The following MAP3K7CL variants were observed in gnomAD, a reference collection of about 807,000 sequenced individuals.
The protein encoded by MAP3K7CL is MAP3K7 C-terminal like.
In MAP3K7CL, 16 loss-of-function variants were observed where a neutral mutation model predicts 18.6. The ratio of observed to expected loss-of-function variants is 0.86; its 90% CI spans 0.58 to 1.31. The LOEUF is 1.31. Among genes scored for constraint, MAP3K7CL ranks in the 50% most tolerant of loss-of-function variants. The pLI, the probability that MAP3K7CL is intolerant of heterozygous loss-of-function variation, is 0.00. For synonymous variants in MAP3K7CL, 65 were observed against 66.8 expected, an observed-to-expected ratio of 0.97 and a Z score of 0.13; for missense variants, 163 against 174.4, an observed-to-expected ratio of 0.93 and a Z score of 0.37.
At chr21:29,139,623 C>T (rs937011778) in intron 2 of MAP3K7CL, among the ~76,000 whole-genome samples, 2 of 152,148 alleles carry the variant, frequency 1.3e-5, no homozygotes, top group African/African-American at 4.8e-5. Flanking sequence ...CTCACTCTGT[C>T]ACCCAGGCTG....
intron 4 of MAP3K7CL, among the ~76,000 whole-genome samples, chr21:29,099,978 G>A (rs967895693): frequency 5.3e-5 from 8 of 151,880 alleles, no homozygotes; most frequent in African/African-American, 1.2e-4. Context: ...AGCTACTCGG[G>A]AGGCTGAGGC....
At chr21:29,139,728 G>T (rs2086962888) in intron 2 of MAP3K7CL, among the ~76,000 whole-genome samples, 1 of 151,910 alleles carries the variant, frequency 6.6e-6, no homozygotes, top group Admixed American at 6.6e-5. Flanking sequence ...GGGATTATAG[G>T]CATGCGCCAC....
chr21:29,091,564 C>T lies in MAP3K7CL; in HGVS notation c.121C>T (p.Leu41Phe), dbSNP rs940553472. 3 of 701,544 alleles carry T rather than the reference C, an allele frequency of 4.3e-6. No homozygotes were observed. In the Admixed American group the frequency reaches 6.0e-5, roughly 14 times the overall value. 43.5% of individuals were successfully genotyped at this position (701,544 alleles called of 1,614,324 possible). A position where few individuals can be genotyped will look rare whatever the true frequency, so the allele number is the denominator to read the frequency against. ...AATCATGGCTCACTACAGCCCTGAC[C>T]TCCTGGGCCCAGGTAATTGTCCCAC... The change falls in exon 2 of 7, where the codon CTC becomes TTC. Residue 41 changes from leucine to phenylalanine, a missense_variant. Physicochemically the swap from Leu to Phe is conservative, Grantham distance 22. Coordinates refer to the MAP3K7CL transcript ENST00000286791.
At chr21:29,113,687 C>T (rs1209727778) in intron 4 of MAP3K7CL, among the ~76,000 whole-genome samples, 1 of 152,184 alleles carries the variant, frequency 6.6e-6, no homozygotes, top group Non-Finnish European at 1.5e-5. Context: ...CCATGCCCAG[C>T]TAATTTTTGT....
intron 4 of MAP3K7CL, among the ~76,000 whole-genome samples, chr21:29,112,285 A>G (rs1300341287): frequency 2.6e-5 from 4 of 152,212 alleles, no homozygotes; most frequent in African/African-American, 9.6e-5. Context: ...CGACAGAGCA[A>G]GACTCTGTCT....
rs1468187756 is a variant in MAP3K7CL at position 29,123,060 on chromosome 21, T to A, written c.371-26129T>A. On this transcript the variant is annotated intron_variant, in intron 4 of 6. Transcript: ENST00000286791. ...AATACTGGAGAAGAAATGATCTTTT[T>A]TTTTTTTTTTTTTTTTTTTGAAATG... 4.0e-3 allele frequency among the ~76,000 whole-genome samples: 404 copies of A among 101,560 alleles called. 3 individuals carry two copies. Among genetic ancestry groups the A allele is most frequent in the Non-Finnish European group, 7.3e-3 (310 of 42,460 alleles). 66.6% of individuals were successfully genotyped at this position (101,560 alleles called of 152,430 possible).
chr21:29,114,817 C>G (rs2086478616), intron 4 of MAP3K7CL, among the ~76,000 whole-genome samples: 1 of 152,170 alleles, frequency 6.6e-6, no homozygotes. Flanking sequence ...TGTCTACATT[C>G]CATCCCCTTG....
intron 4 of MAP3K7CL, among the ~76,000 whole-genome samples, chr21:29,095,695 A>C (rs913834440): frequency 3.3e-5 from 5 of 152,250 alleles, no homozygotes; most frequent in Non-Finnish European, 7.3e-5. Context: ...TGAGAACTGT[A>C]CATGGTAATA....
At chr21:29,131,169 C>G (rs955920036) in intron 1 of MAP3K7CL, 4 of 152,518 alleles carry the variant, frequency 2.6e-5, no homozygotes, top group Admixed American at 6.5e-5. Context: ...GGGAGGGACT[C>G]TAATTAGCTG....
At chr21:29,132,923 A>G (rs748504584) in intron 1 of MAP3K7CL, among the ~76,000 whole-genome samples, 66 of 152,214 alleles carry the variant, frequency 4.3e-4, no homozygotes, top group Non-Finnish European at 6.3e-4. Flanking sequence ...ATCTGAAGCC[A>G]TCTGATACCT....
At chr21:29,134,651 C>A (rs1212369651) in intron 2 of MAP3K7CL, among the ~76,000 whole-genome samples, 5 of 152,196 alleles carry the variant, frequency 3.3e-5, no homozygotes, top group African/African-American at 1.2e-4. Context: ...GAGAAGAAAT[C>A]CTCCCAACAG....
intron 3 of MAP3K7CL, among the ~76,000 whole-genome samples, chr21:29,153,161 T>C (rs2087316974): frequency 6.6e-6 from 1 of 152,216 alleles, no homozygotes; most frequent in African/African-American, 2.4e-5. Context: ...AACATTTCTC[T>C]TGATGTCTCT....
chr21:29,130,266 C>T (rs1269283914), upstream of MAP3K7CL, among the ~76,000 whole-genome samples: 3 of 152,206 alleles, frequency 2.0e-5, no homozygotes, highest in Non-Finnish European at 4.4e-5. Flanking sequence ...TGGTTGGTTG[C>T]ATTTGAAGAA....
chr21:29,129,676 T>G (rs898324103), upstream of MAP3K7CL, among the ~76,000 whole-genome samples: 2 of 152,234 alleles, frequency 1.3e-5, no homozygotes, highest in Non-Finnish European at 2.9e-5. Flanking sequence ...GAAGTGTGAT[T>G]TCTGGGTCAT....
intron 4 of MAP3K7CL, among the ~76,000 whole-genome samples, chr21:29,122,475 G>T (rs1011112146): frequency 3.7e-4 from 56 of 152,212 alleles, no homozygotes; most frequent in Admixed American, 1.3e-4. Flanking sequence ...ATGGTAAATT[G>T]TGGGCGATTT....
intron 2 of MAP3K7CL, chr21:29,139,506 T>C (rs183789045): frequency 1.3e-5 from 2 of 152,330 alleles, no homozygotes; most frequent in East Asian, 1.9e-4. Flanking sequence ...CTCCACACTT[T>C]TAATCATTGT....
At chr21:29,100,656 C>T (rs955257991) in intron 4 of MAP3K7CL, among the ~76,000 whole-genome samples, 11 of 148,838 alleles carry the variant, frequency 7.4e-5, no homozygotes, top group African/African-American at 2.0e-4. Flanking sequence ...TTATCTATTA[C>T]GGTGTTACAG....
intron 1 of MAP3K7CL, among the ~76,000 whole-genome samples, chr21:29,089,286 C>T (rs565071132): frequency 2.1e-4 from 32 of 151,236 alleles, no homozygotes; most frequent in Middle Eastern, 3.5e-3. Context: ...AGACTGCTCA[C>T]ACCACCTGCA....
At chr21:29,141,022 T>C (rs1263188700) in intron 2 of MAP3K7CL, among the ~76,000 whole-genome samples, 1 of 152,102 alleles carries the variant, frequency 6.6e-6, no homozygotes, top group Non-Finnish European at 1.5e-5. Context: ...AGCAATCCAC[T>C]CACGTCAGCC....
Sources: allele counts gnomAD v4.1 joint callset (sites outside exome capture counted in the v4.1 genomes callset), GRCh38; gene constraint gnomAD v4.1.1; transcripts MANE v1.5; gene names NCBI Gene and HGNC (gene_info 2026-07-23, HGNC 2026-07-21).